PGD: variants seen among roughly 807,000 people sequenced by gnomAD.
The protein encoded by PGD is phosphogluconate dehydrogenase.
PGD carries 21 observed loss-of-function variants against 60.4 expected under a neutral mutation model. The observed-to-expected ratio is 0.35, with a 90% CI of 0.25 to 0.50. The LOEUF (loss-of-function observed/expected upper bound fraction) is 0.50. Ranked by LOEUF, PGD falls within the 20% of genes least tolerant of loss-of-function variation. The pLI, the probability that PGD is intolerant of heterozygous loss-of-function variation, is 0.98. For synonymous variants in PGD, 230 were observed against 235.9 expected (o/e 0.97, Z 0.23); for missense variants, 477 against 613.1 (o/e 0.78, Z 2.34).
At chr1:10,413,475 T>G (rs971804104) in intron 8 of PGD, among the ~76,000 whole-genome samples, 1 of 152,244 alleles carries the variant, frequency 6.6e-6, no homozygotes, top group Non-Finnish European at 1.5e-5. Flanking sequence ...AACTGTGAGG[T>G]AAATTCAGAA....
In PGD at chr1:10,417,453, G is replaced by T. The variant is rs1406915793; in HGVS notation, c.1053G>T (p.Trp351Cys). 1 of 1,614,014 alleles carries T rather than the reference G, an allele frequency of 6.2e-7. No individual in the cohort carries two copies. Among genetic ancestry groups the T allele is most frequent in the Non-Finnish European group, 8.5e-7 (1 of 1,179,968 alleles). The part of the protein sequence containing the change: ...LLRQAATEFG[W>C]TLNYGGIALM... ...GGCAGGCAGCCACCGAGTTTGGCTG[G>T]ACTCTCAATTATGGTGGCATCGCCC... Residue 351 changes from tryptophan to cysteine, a missense_variant, in exon 10 of 13, where the codon TGG becomes TGT. This residue lies in a region of PGD where 431 missense variants were observed against 556.6 expected (regional missense o/e 0.77). Transcript: ENST00000270776.
chr1:10,408,126 C>T lies in PGD; in HGVS notation c.505C>T (p.Pro169Ser), dbSNP rs201137057. The change falls in exon 6 of 13, where the codon CCC (proline) becomes TCC (serine). Residue 169 changes from proline to serine, a missense_variant. Physicochemically the swap from Pro to Ser is moderately conservative, Grantham distance 74 (BLOSUM62 -1). Around this residue, in one of 3 missense-constraint regions of PGD, gnomAD observed 431 missense variants for 556.6 expected, o/e 0.77. Coordinates refer to ENST00000270776, the MANE Select transcript of PGD (RefSeq NM_002631.4). ...TGCTGCAAAAGTGGGAACTGGAGAACCCTGCTGTGACTGGGCAAGTTCTGG... is the reference window on the plus strand; with the variant it reads ...TGCTGCAAAAGTGGGAACTGGAGAATCCTGCTGTGACTGGGCAAGTTCTGG... ...GIAAKVGTGE[P>S]CCDWVGDEGA... 3.1e-5 allele frequency: 50 copies of T among 1,595,802 alleles called. No homozygotes were observed. Among genetic ancestry groups the T allele is most frequent in the Non-Finnish European group, 4.2e-5 (49 of 1,163,320 alleles).
chr1:10,407,974 G>A, intron 5 of PGD, 97 bp from the exon 6 acceptor site: 1 of 729,524 alleles, frequency 1.4e-6, no homozygotes, highest in Non-Finnish European at 2.5e-6. Context: ...GAAAGGAAAA[G>A]ATAGGGGTTG....
At position 10,408,133 on chromosome 1, in the gene PGD, G is replaced by C. The variant is rs1268924390; in HGVS notation, c.512G>C (p.Cys171Ser). 6.3e-7 allele frequency: 1 copy of C among 1,585,454 alleles called. No homozygotes were observed. The highest frequency in any genetic ancestry group is 8.7e-7 in the Non-Finnish European group (1 of 1,153,740). Reference protein sequence around the residue: ...AAKVGTGEPCCDWVGDEGAGH... With the variant: ...AAKVGTGEPCSDWVGDEGAGH... The stretch of plus-strand genomic sequence containing the variant: ...AAAGTGGGAACTGGAGAACCCTGCT[G>C]TGACTGGGCAAGTTCTGGGCTACTC... Residue 171 changes from cysteine (C) to serine (S), a missense_variant, in exon 6 of 13, where the codon TGT becomes TCT. Around this residue, in one of 3 missense-constraint regions of PGD, gnomAD observed 431 missense variants for 556.6 expected, o/e 0.77. Transcript: ENST00000270776.
chr1:10,407,428 C>T (rs1172778106), intron 5 of PGD, among the ~76,000 whole-genome samples: 2 of 152,038 alleles, frequency 1.3e-5, no homozygotes, highest in African/African-American at 4.8e-5. Flanking sequence ...CCAGCCTGGG[C>T]AACAGAGTGA....
In PGD at chr1:10,418,855, T is replaced by G; in HGVS notation, c.1139T>G (p.Phe380Cys). 2 of 1,609,400 alleles carry G rather than the reference T, an allele frequency of 1.2e-6. No homozygotes were observed. The highest frequency in any genetic ancestry group is 3.3e-4 in the Middle Eastern group (2 of 6,050). The change falls in exon 11 of 13, where the codon TTT (phenylalanine) becomes TGT (cysteine). Residue 380 changes from phenylalanine to cysteine, a missense_variant. Physicochemically the swap from Phe to Cys is radical, Grantham distance 205 (BLOSUM62 -2). Transcript: ENST00000270776. ...SVFLGKIKDA[F>C]DRNPELQNLL... ...TTCCTAGGAAAGATAAAGGATGCAT[T>G]TGATCGAAACCCGGAACTTCAGAAC...
At chr1:10,404,377 G>T (rs888625227) in intron 5 of PGD, 98 bp downstream of exon 5, 3 of 640,612 alleles carry the variant, frequency 4.7e-6, no homozygotes, top group Non-Finnish European at 7.7e-6. Context: ...TCTCTGTGGT[G>T]CCCTGAGTGT....
chr1:10,405,229 C>T (rs1405618129), intron 5 of PGD, among the ~76,000 whole-genome samples: 5 of 151,764 alleles, frequency 3.3e-5, no homozygotes, highest in Admixed American at 1.3e-4. Context: ...AAAAATTAGC[C>T]GGGCATGGTG....
intron 11 of PGD, 133 bp downstream of exon 11, chr1:10,419,058 G>T: frequency 1.6e-6 from 1 of 618,524 alleles, no homozygotes; most frequent in Non-Finnish European, 2.9e-6. Flanking sequence ...ACCCAGGCTG[G>T]AGTACAGTGG....
At position 10,407,185 on chromosome 1, in the gene PGD, C is replaced by T. The variant is rs573838486; in HGVS notation, c.450-886C>T. Among the ~76,000 whole-genome samples the T allele has an allele frequency of 4.6e-5, 7 of 152,268 alleles. No individual in the cohort carries two copies. The East Asian group carries it at 1.2e-3, about 25-fold the overall frequency. On this transcript the variant is annotated intron_variant, in intron 5 of 12. Transcript: ENST00000270776. ...AAAATTAGCCAGGCATGGTGGCTCA[C>T]GCCTATGGTCCCAGCACTTTGGGAA...
intron 8 of PGD, among the ~76,000 whole-genome samples, chr1:10,414,553 T>C (rs1639562171): frequency 6.6e-6 from 1 of 151,824 alleles, no homozygotes; most frequent in Non-Finnish European, 1.5e-5. Context: ...TTTTGTGTGT[T>C]ATTAGTGGAG....
intron 5 of PGD, 45 bp from the exon 6 acceptor site, chr1:10,408,026 G>C: frequency 8.8e-7 from 1 of 1,132,646 alleles, no homozygotes; most frequent in East Asian, 2.3e-5. Flanking sequence ...TGGGCTCTCA[G>C]CCCGTCTCTT....
intron 5 of PGD, among the ~76,000 whole-genome samples, chr1:10,407,019 A>C (rs571257865): frequency 6.6e-5 from 10 of 152,362 alleles, no homozygotes; most frequent in Admixed American, 3.3e-4. Flanking sequence ...CTGCTGCAGT[A>C]GAAATTTCTG....
At chr1:10,417,316 A>G (rs1186530712) in intron 9 of PGD, 60 bp from the exon 10 acceptor site, 1 of 1,534,490 alleles carries the variant, frequency 6.5e-7, no homozygotes, top group Non-Finnish European at 8.9e-7. Flanking sequence ...TAAGACTGGT[A>G]GACATAAGGC....
rs544588397 is a variant in PGD, at chr1:10,419,923, A to G, written c.*174A>G. 158 of 719,532 alleles carry G rather than the reference A, an allele frequency of 2.2e-4. 2 individuals carry two copies. In the Middle Eastern group the frequency reaches 3.3e-3, roughly 15 times the overall value. The allele number at this position is 719,532 out of a possible 1,614,324, so 44.6% of individuals were successfully genotyped here. A position where few individuals can be genotyped will look rare whatever the true frequency, so the allele number is the denominator to read the frequency against. On this transcript the variant is annotated 3_prime_UTR_variant, in exon 13 of 13. Coordinates refer to ENST00000270776, the MANE Select transcript of PGD (RefSeq NM_002631.4). ...GTAAAGTAGCTCTGTGAGAGCCACC[A>G]TGCCCTCTGCCCTTGCCTCTTGGGA...
rs1004435098 is a variant in PGD, at chr1:10,417,102, G to A, written c.960G>A (p.Leu320=). Residue 320 remains leucine, a synonymous_variant, in exon 9 of 13, where the codon CTG becomes CTA. Coordinates refer to ENST00000270776, the MANE Select transcript of PGD (RefSeq NM_002631.4). ...FQFDGDKKSF[L]EDIRKALYAS... The stretch of plus-strand genomic sequence containing the variant: ...TTGATGGTGATAAGAAATCATTCCT[G>A]GAGGACATTCGGAAGGTGGGACACA... The A allele has an allele frequency of 6.2e-7, 1 of 1,614,026 alleles. No homozygotes were observed. Among genetic ancestry groups the A allele is most frequent in the Non-Finnish European group, 8.5e-7 (1 of 1,179,908 alleles).
At chr1:10,405,575 C>T (rs1307707842) in intron 5 of PGD, among the ~76,000 whole-genome samples, 2 of 150,394 alleles carry the variant, frequency 1.3e-5, no homozygotes, top group East Asian at 2.1e-4. Context: ...CATGGTGGCT[C>T]ACGCCTGTAA....
intron 7 of PGD, chr1:10,412,715 T>C (rs1308303301): frequency 9.7e-6 from 2 of 206,834 alleles, no homozygotes; most frequent in Non-Finnish European, 2.0e-5. Flanking sequence ...ATCAAACTAG[T>C]TAGCGATGAC....
intron 10 of PGD, among the ~76,000 whole-genome samples, 194 bp from the exon 11 acceptor site, chr1:10,418,632 G>A (rs1424123951): frequency 1.3e-4 from 20 of 151,956 alleles, no homozygotes; most frequent in Admixed American, 3.9e-4. Context: ...AAAATTAGCC[G>A]GTTGTAGTGG....
Sources: gnomAD v4.1 joint callset for allele counts (sites outside exome capture counted in the v4.1 genomes callset) on GRCh38, gnomAD v4.1.1 for gene constraint, gnomAD v4.1.1 regional missense constraint, MANE v1.5 for transcripts, NCBI Gene and HGNC (gene_info 2026-07-23, HGNC 2026-07-21) for gene names.